BCKDHA: variants seen among roughly 807,000 people sequenced by gnomAD.
The protein encoded by BCKDHA is branched chain keto acid dehydrogenase E1 subunit alpha, also known as 2-oxoisovalerate dehydrogenase subunit alpha, mitochondrial.
BCKDHA carries 43 observed loss-of-function variants against 52.2 expected under a neutral mutation model. That is an observed-to-expected ratio of 0.82 (90% CI 0.64 to 1.06). The LOEUF (loss-of-function observed/expected upper bound fraction) is 1.06. Ranked by LOEUF, BCKDHA falls within the 50% of genes least tolerant of loss-of-function variation. The probability of loss-of-function intolerance (pLI) is 0.00; values close to 1 mark genes in which losing one functional copy is unlikely to be tolerated. For synonymous variants in BCKDHA, 234 were observed against 247.9 expected, an observed-to-expected ratio of 0.94 and a Z score of 0.53; for missense variants, 527 against 621.3, an observed-to-expected ratio of 0.85 and a Z score of 1.61.
At chr19:41,422,448 C>G in intron 6 of BCKDHA, 78 bp downstream of exon 6, 1 of 1,587,186 alleles carries the variant, frequency 6.3e-7, no homozygotes, top group Non-Finnish European at 8.6e-7. Context: ...TTCCTGCCAC[C>G]CCTACCCTCC....
chr19:41,400,497 C>T (rs2039127060), intron 1 of BCKDHA: 1 of 152,012 alleles, frequency 6.6e-6, no homozygotes, highest in Non-Finnish European at 1.5e-5. Flanking sequence ...GCCTCGGCCT[C>T]CCAAAGTGCT....
At chr19:41,403,245 G>T (rs1467917466) in intron 1 of BCKDHA, among the ~76,000 whole-genome samples, 1 of 152,190 alleles carries the variant, frequency 6.6e-6, no homozygotes, top group African/African-American at 2.4e-5. Flanking sequence ...GCTCAGGAGA[G>T]AGTGGGTTTG....
chr19:41,416,764 A>T (rs901312250), intron 4 of BCKDHA, among the ~76,000 whole-genome samples: 50 of 152,142 alleles, frequency 3.3e-4, no homozygotes, highest in Non-Finnish European at 6.8e-4. Context: ...CTAAAAAATT[A>T]AAAAATTAGC....
intron 5 of BCKDHA, among the ~76,000 whole-genome samples, chr19:41,420,121 T>C (rs1048184186): frequency 6.6e-6 from 1 of 152,174 alleles, no homozygotes; most frequent in African/African-American, 2.4e-5. Flanking sequence ...AAGAGGGCTC[T>C]GTTGCTGTCC....
chr19:41,414,234 G>GC, intron 4 of BCKDHA, 77 bp downstream of exon 4: 2 of 1,358,310 alleles, frequency 1.5e-6, no homozygotes, highest in Non-Finnish European at 2.1e-6. Flanking sequence ...TCTTCCAGGA[G>GC]CAGCATAGTG....
rs2123232613 is a variant in BCKDHA, at chr19:41,397,857, C to G, written c.30C>G (p.Val10=). The change falls in exon 1 of 9, where the codon GTC becomes GTG. Residue 10 remains valine, a synonymous_variant. Transcript: ENST00000269980. The stretch of plus-strand genomic sequence containing the variant: ...CGGTAGCGATCGCTGCAGCGAGGGT[C>G]TGGCGGCTAAACCGTGGTTTGAGCC... MAVAIAAAR[V]WRLNRGLSQA... The G allele has an allele frequency of 6.2e-7, 1 of 1,614,194 alleles. No individual in the cohort carries two copies. The highest frequency in any genetic ancestry group is 1.1e-5 in the South Asian group (1 of 91,084).
intron 1 of BCKDHA, chr19:41,399,523 A>G (rs2039113885): frequency 6.6e-6 from 1 of 151,486 alleles, no homozygotes; most frequent in African/African-American, 2.4e-5. Flanking sequence ...TGCTTCCCCT[A>G]CTTCATTTTT....
Position 41,422,333 on chromosome 19 carries a change from C to T in BCKDHA, c.816C>T (p.Ser272=). 1 of 1,614,204 alleles carries T rather than the reference C, an allele frequency of 6.2e-7. No individual in the cohort carries two copies. Among genetic ancestry groups the T allele is most frequent in the Non-Finnish European group, 8.5e-7 (1 of 1,180,018 alleles). ...GCCGGAACAATGGCTACGCCATCTC[C>T]ACGCCCACCTCTGAGCAGTATCGCG... ...FFCRNNGYAI[S]TPTSEQYRGD... Residue 272 remains serine (S), a synonymous_variant, in exon 6 of 9, where the codon TCC becomes TCT. Transcript: ENST00000269980.
chr19:41,421,821 G>A (rs1049971205), intron 5 of BCKDHA, among the ~76,000 whole-genome samples: 18 of 152,154 alleles, frequency 1.2e-4, no homozygotes, highest in African/African-American at 4.3e-4. Flanking sequence ...TAAGGAGGCT[G>A]CTCAGTAACT....
At position 41,414,107 on chromosome 19, in the gene BCKDHA, C is replaced by T. The variant is rs1331666622; in HGVS notation, c.434C>T (p.Ala145Val). The T allele has an allele frequency of 1.2e-6, 2 of 1,613,748 alleles. No individual in the cohort carries two copies. Among genetic ancestry groups the T allele is most frequent in the Non-Finnish European group, 1.7e-6 (2 of 1,180,038 alleles). ...GAGGAGGGCACGCACGTGGGGAGTG[C>T]CGCCGCCCTGGACAACACGGACCTG... ...YGEEGTHVGS[A>V]AALDNTDLVF... Residue 145 changes from alanine (A) to valine (V), a missense_variant, in exon 4 of 9, where the codon GCC (alanine) becomes GTC (valine). Physicochemically the swap from Ala to Val is moderately conservative, Grantham distance 64. Coordinates refer to ENST00000269980, the MANE Select transcript of BCKDHA (RefSeq NM_000709.4).
At chr19:41,415,125 G>C (rs1192994836) in intron 4 of BCKDHA, among the ~76,000 whole-genome samples, 1 of 152,234 alleles carries the variant, frequency 6.6e-6, no homozygotes, top group African/African-American at 2.4e-5. Flanking sequence ...ATGGCTTGCA[G>C]CCTGCTCCTG....
intron 4 of BCKDHA, among the ~76,000 whole-genome samples, chr19:41,417,764 A>C (rs1282977647): frequency 6.6e-6 from 1 of 151,986 alleles, no homozygotes. Context: ...GTCTCTCCTG[A>C]AAATGCAAAA....
At chr19:41,410,877 T>C (rs1271070312) in intron 2 of BCKDHA, 46 bp from the exon 3 acceptor site, 1 of 1,613,624 alleles carries the variant, frequency 6.2e-7, no homozygotes. Flanking sequence ...GCCTGTCTCC[T>C]CTCTGGTCCC....
rs1414824155 is a variant in BCKDHA, at chr19:41,418,113, AAAAG to A, written c.485-1021_485-1018del. Among the ~76,000 whole-genome samples the A allele has an allele frequency of 2.0e-3, 305 of 150,322 alleles. 2 individuals carry two copies. The highest frequency in any genetic ancestry group is 6.9e-3 in the African/African-American group (280 of 40,570). ...TCTCAAAAAAAAAAAAAAAAAAAAA[AAAAG>A]GTAACTGCTGTGTGTAATGTGATCT... On this transcript the variant is annotated intron_variant, in intron 4 of 8. Coordinates refer to ENST00000269980, the MANE Select transcript of BCKDHA (RefSeq NM_000709.4).
intron 4 of BCKDHA, among the ~76,000 whole-genome samples, chr19:41,417,817 C>T (rs1263455189): frequency 2.0e-5 from 3 of 151,910 alleles, no homozygotes; most frequent in African/African-American, 7.2e-5. Flanking sequence ...CCCAGCTACT[C>T]AGGAGGCTGA....
At chr19:41,413,286 T>C (rs1357540115) in intron 3 of BCKDHA, among the ~76,000 whole-genome samples, 1 of 152,212 alleles carries the variant, frequency 6.6e-6, no homozygotes, top group African/African-American at 2.4e-5. Flanking sequence ...CTGTGTCCCA[T>C]GGCCACCTCT....
At chr19:41,417,490 A>G (rs2122129880) in intron 4 of BCKDHA, among the ~76,000 whole-genome samples, 1 of 152,296 alleles carries the variant, frequency 6.6e-6, no homozygotes, top group Non-Finnish European at 1.5e-5. Context: ...TCCTGTTTCT[A>G]TCTGTTACAT....
At chr19:41,407,085 T>A (rs895902967) in intron 1 of BCKDHA, among the ~76,000 whole-genome samples, 1 of 152,200 alleles carries the variant, frequency 6.6e-6, no homozygotes, top group African/African-American at 2.4e-5. Context: ...GCTCCTCTTT[T>A]CCCTATCTCA....
intron 5 of BCKDHA, among the ~76,000 whole-genome samples, chr19:41,420,624 G>A (rs1261974443): frequency 6.6e-6 from 1 of 152,130 alleles, no homozygotes; most frequent in Non-Finnish European, 1.5e-5. Flanking sequence ...AGTCAAAGAG[G>A]GAAGTCACTC....
Sources: gnomAD v4.1 joint callset for allele counts (sites outside exome capture counted in the v4.1 genomes callset) on GRCh38, gnomAD v4.1.1 for gene constraint, MANE v1.5 for transcripts, NCBI Gene and HGNC (gene_info 2026-07-23, HGNC 2026-07-21) for gene names.